Variants in LINGO1 observed in about 807,000 individuals in gnomAD.
LINGO1 encodes the protein leucine-rich repeat and immunoglobulin-like domain-containing nogo receptor-interacting protein 1.
Under a neutral mutation model 37.3 loss-of-function variants are expected in LINGO1, and 11 were observed. The ratio of observed to expected loss-of-function variants is 0.29; its 90% confidence interval spans 0.19 to 0.49. The LOEUF is 0.49. LINGO1 is among the 20% of genes least tolerant of loss of function. LINGO1 has a pLI of 0.99. For synonymous variants in LINGO1, 387 were observed against 403.0 expected, an observed-to-expected ratio of 0.96 and a Z score of 0.48; for missense variants, 585 against 878.2, an observed-to-expected ratio of 0.67 and a Z score of 4.22.
intron 1 of LINGO1, among the ~76,000 whole-genome samples, chr15:77,736,899 G>A (rs1164712209): frequency 5.3e-5 from 8 of 152,224 alleles, no homozygotes; most frequent in Admixed American, 5.2e-4. Context: ...CCAAAGTTTG[G>A]ATCTGGGCTG....
At position 77,615,184 on chromosome 15, in the gene LINGO1, G is replaced by A; in HGVS notation, c.723C>T (p.Leu241=). ...GCCAGTGGGAGATCTCCAAGACCTT[G>A]AGTCGGTACAGCCTCTTGAAGGAGT... is the stretch of plus-strand genomic sequence containing the variant. ...RDYSFKRLYR[L]KVLEISHWPY... is the part of the protein sequence containing the mutation. The change falls in exon 2 of 2, where the codon CTC becomes CTT. Residue 241 remains leucine, a synonymous_variant. Coordinates refer to ENST00000355300, the MANE Select transcript of LINGO1 (RefSeq NM_032808.7). 3.1e-6 allele frequency: 5 copies of A among 1,613,846 alleles called. No individual in the cohort carries two copies. The highest frequency in any genetic ancestry group is 4.2e-6 in the Non-Finnish European group (5 of 1,179,834).
At chr15:77,764,545 T>A (rs2076508291) in intron 1 of LINGO1, among the ~76,000 whole-genome samples, 2 of 152,136 alleles carry the variant, frequency 1.3e-5, no homozygotes, top group Non-Finnish European at 2.9e-5. Flanking sequence ...AACAGGCAAC[T>A]GGCAGAAGAG....
chr15:77,691,459 C>A (rs1291312058), intron 1 of LINGO1, among the ~76,000 whole-genome samples: 1 of 152,098 alleles, frequency 6.6e-6, no homozygotes, highest in Non-Finnish European at 1.5e-5. Context: ...GTCTTGCTGT[C>A]TTGATACCCA....
intron 2 of LINGO1, among the ~76,000 whole-genome samples, chr15:77,702,356 G>C (rs114047212): frequency 2.6e-3 from 393 of 152,256 alleles, no homozygotes; most frequent in African/African-American, 9.2e-3. Flanking sequence ...CCATGCCAAG[G>C]GGAAGTGCTG....
intron 1 of LINGO1, among the ~76,000 whole-genome samples, chr15:77,628,475 T>G (rs1596008561): frequency 6.6e-6 from 1 of 152,230 alleles, no homozygotes; most frequent in East Asian, 1.9e-4. Context: ...GTTCATGCTC[T>G]TTTTATAAAG....
At chr15:77,622,426 A>G (rs1309818239) in intron 1 of LINGO1, among the ~76,000 whole-genome samples, 3 of 152,212 alleles carry the variant, frequency 2.0e-5, no homozygotes, top group East Asian at 3.9e-4. Context: ...GGGGCCTGTT[A>G]ACACAGCCCC....
At chr15:77,624,192 TGA>T (rs2074021789) in intron 1 of LINGO1, among the ~76,000 whole-genome samples, 1 of 127,030 alleles carries the variant, frequency 7.9e-6, no homozygotes, top group Non-Finnish European at 1.7e-5. Flanking sequence ...TGTGTGTGTG[TGA>T]TGTGTGGCCT....
Position 77,632,232 on chromosome 15 carries a change from C to T in LINGO1, c.6+78G>A. ...GCCCTGCAACCCCAGGAGGGCGCAG[C>T]CAGGGCCGATGGCGGCCCCCAGGGG... On this transcript the variant is annotated intron_variant, in intron 1 of 1. Coordinates refer to ENST00000355300, the MANE Select transcript of LINGO1 (RefSeq NM_032808.7). The surrounding 1 kb of genome is among the most constrained non-coding windows in gnomAD (Gnocchi z 6.0). The T allele has an allele frequency of 7.7e-7, 1 of 1,297,040 alleles. No individual in the cohort carries two copies. Among genetic ancestry groups the T allele is most frequent in the Non-Finnish European group, 9.8e-7 (1 of 1,024,096 alleles). 80.3% of individuals were successfully genotyped at this position (1,297,040 alleles called of 1,614,324 possible). A position where few individuals can be genotyped will look rare whatever the true frequency, so the allele number is the denominator to read the frequency against.
At chr15:77,645,468 T>C (rs150786343) in intron 3 of LINGO1, among the ~76,000 whole-genome samples, 136 of 152,340 alleles carry the variant, frequency 8.9e-4, no homozygotes, top group African/African-American at 2.9e-3. Flanking sequence ...CAGAGTCCCA[T>C]TTACTTAACG....
chr15:77,776,512 G>GGCAGGAAA lies in LINGO1; in HGVS notation c.-257+10356_-257+10357insTTTCCTGC, dbSNP rs1567577676. ...AAGCAGGAAGGCAGGAAGGCAGGAA[G>GGCAGGAAA]GCAGGAAGGGAGGAAGGGAGGGAGG... On this transcript the variant is annotated intron_variant, in intron 1 of 3. Coordinates refer to the LINGO1 transcript ENST00000561686. Among the ~76,000 whole-genome samples the GGCAGGAAA allele has an allele frequency of 9.2e-4, 76 of 82,326 alleles. 2 individuals carry two copies. The highest frequency in any genetic ancestry group is 1.9e-3 in the African/African-American group (34 of 18,174). 54.0% of individuals were successfully genotyped at this position (82,326 alleles called of 152,430 possible).
At chr15:77,809,354 G>A (rs951553023) in intron 1 of LINGO1, among the ~76,000 whole-genome samples, 1 of 152,206 alleles carries the variant, frequency 6.6e-6, no homozygotes, top group African/African-American at 2.4e-5. Context: ...AGGCAGTCCT[G>A]AACTCAAATC....
chr15:77,761,496 T>C (rs891653791), intron 1 of LINGO1, among the ~76,000 whole-genome samples: 1 of 152,186 alleles, frequency 6.6e-6, no homozygotes, highest in Non-Finnish European at 1.5e-5. Context: ...AAGGGCTGAG[T>C]TGTAATTGTT....
At chr15:77,682,834 G>A (rs1000404080) in intron 2 of LINGO1, among the ~76,000 whole-genome samples, 1 of 151,962 alleles carries the variant, frequency 6.6e-6, no homozygotes, top group East Asian at 1.9e-4. Flanking sequence ...AGGAAGCCTC[G>A]CCAGGCCAGA....
chr15:77,656,017 T>C (rs2074857590), intron 3 of LINGO1, among the ~76,000 whole-genome samples: 1 of 152,238 alleles, frequency 6.6e-6, no homozygotes. Flanking sequence ...GCTGGGACTC[T>C]GGGAGCAGGG....
chr15:77,790,728 C>T (rs1408464842), upstream of LINGO1, among the ~76,000 whole-genome samples: 1 of 152,168 alleles, frequency 6.6e-6, no homozygotes, highest in African/African-American at 2.4e-5. Flanking sequence ...AGGAGAGCTT[C>T]CAGATGCTAA....
chr15:77,744,479 C>T (rs551890921), intron 1 of LINGO1, among the ~76,000 whole-genome samples: 2 of 152,164 alleles, frequency 1.3e-5, no homozygotes, highest in East Asian at 1.9e-4. Context: ...GGCTGCACTG[C>T]GCCGAGATGG....
At position 77,613,859 on chromosome 15, in the gene LINGO1, T is replaced by G; in HGVS notation, c.*185A>C. 1 of 615,224 alleles carries G rather than the reference T, an allele frequency of 1.6e-6. No homozygotes were observed. The allele number at this position is 615,224 out of a possible 1,614,324, so 38.1% of individuals were successfully genotyped here. A position where few individuals can be genotyped will look rare whatever the true frequency, so the allele number is the denominator to read the frequency against. ...GGTCCCCAGGTCTGGGCTTCTGAGG[T>G]CCTGGTAGAAGGAGGGCAGGTGGTG... On this transcript the variant is annotated 3_prime_UTR_variant, in exon 2 of 2. Transcript: ENST00000355300.
intron 2 of LINGO1, among the ~76,000 whole-genome samples, chr15:77,685,326 A>G (rs1049219423): frequency 2.6e-5 from 4 of 152,100 alleles, no homozygotes; most frequent in Admixed American, 2.0e-4. Context: ...GCTGTGGCCT[A>G]CTTTCAGGAC....
intron 2 of LINGO1, among the ~76,000 whole-genome samples, chr15:77,681,931 C>T (rs998129205): frequency 1.7e-4 from 26 of 152,242 alleles, no homozygotes; most frequent in East Asian, 1.2e-3. Flanking sequence ...TTCTCACACA[C>T]GCCCTCGAGG....
Sources: allele counts gnomAD v4.1 joint callset (sites outside exome capture counted in the v4.1 genomes callset), GRCh38; gene constraint gnomAD v4.1.1; non-coding constraint Gnocchi (gnomAD v3.1); transcripts MANE v1.5; gene names NCBI Gene and HGNC (gene_info 2026-07-23, HGNC 2026-07-21).